Variants in CLCN2 observed in about 807,000 individuals in gnomAD.
CLCN2 encodes chloride voltage-gated channel 2, also known as chloride channel protein 2.
Under a neutral mutation model 108.3 loss-of-function variants are expected in CLCN2, and 72 were observed. The observed-to-expected ratio is 0.66, with a 90% CI of 0.55 to 0.81. The LOEUF (loss-of-function observed/expected upper bound fraction) is 0.81, where lower values mean the gene tolerates loss of function less well. Ranked by LOEUF, CLCN2 falls within the 30% of genes least tolerant of loss-of-function variation. CLCN2 has a pLI of 0.00. For synonymous variants in CLCN2, 471 were observed against 467.1 expected (o/e 1.01, Z -0.11); for missense variants, 1,048 against 1,205.2 (o/e 0.87, Z 1.93).
rs768738193 is a variant in CLCN2, at chr3:184,358,983, C to T, written c.212G>A (p.Arg71Gln). Residue 71 changes from arginine to glutamine, a missense_variant, in exon 2 of 24, where the codon CGA (arginine) becomes CAA (glutamine). By Grantham distance (43) the Arg-to-Gln change is conservative. Transcript: ENST00000265593. Reference protein sequence around the residue: ...LLEYGRSRCARCRVCSVRCHK... With the variant: ...LLEYGRSRCAQCRVCSVRCHK... Reference sequence around the variant, plus strand: ...CCCACCCCAGTTCTCACCGCGGCATCGGGCGCAACGGCTCCGTCCATATTC... The same window carrying T: ...CCCACCCCAGTTCTCACCGCGGCATTGGGCGCAACGGCTCCGTCCATATTC... 2.9e-5 allele frequency: 47 copies of T among 1,613,378 alleles called. No homozygotes were observed. Among genetic ancestry groups the T allele is most frequent in the African/African-American group, 1.3e-4 (10 of 74,930 alleles).
intron 14 of CLCN2, 98 bp from the exon 15 acceptor site, chr3:184,354,412 A>G: frequency 1.5e-6 from 2 of 1,371,532 alleles, no homozygotes; most frequent in Non-Finnish European, 2.1e-6. Context: ...GGGCTGCCCA[A>G]TACAGTCCTG....
chr3:184,357,585 T>C (rs775623554), intron 7 of CLCN2, 35 bp downstream of exon 7: 5 of 1,613,680 alleles, frequency 3.1e-6, no homozygotes, highest in African/African-American at 2.7e-5. Flanking sequence ...AAGGGCAGGG[T>C]TGTGGGGCTG....
At chr3:184,349,732 C>T (rs1727955930) in intron 22 of CLCN2, among the ~76,000 whole-genome samples, 1 of 152,170 alleles carries the variant, frequency 6.6e-6, no homozygotes, top group Non-Finnish European at 1.5e-5. Context: ...GTGTGATCCC[C>T]ATTTTACAGA....
At chr3:184,352,946 G>A in intron 18 of CLCN2, 87 bp downstream of exon 18, 2 of 1,512,444 alleles carry the variant, frequency 1.3e-6, no homozygotes, top group Non-Finnish European at 1.8e-6. Flanking sequence ...CAGCTGGGAT[G>A]TACCCCAGCA....
intron 15 of CLCN2, 151 bp downstream of exon 15, chr3:184,353,949 AG>A (rs1728332076): frequency 1.5e-6 from 2 of 1,358,712 alleles, no homozygotes; most frequent in East Asian, 5.0e-5. Context: ...TCTGAACAGC[AG>A]GGGCCAGCTA....
chr3:184,361,102 G>C lies in CLCN2; in HGVS notation c.63+315C>G, dbSNP rs1232249275. Among the ~76,000 whole-genome samples the C allele has an allele frequency of 6.6e-6, 1 of 152,236 alleles. No homozygotes were observed. The highest frequency in any genetic ancestry group is 1.9e-4 in the East Asian group (1 of 5,198). On this transcript the variant is annotated intron_variant, in intron 1 of 23. Transcript: ENST00000265593. The surrounding 1 kb of genome is among the most constrained non-coding windows in gnomAD (Gnocchi z 6.6). ...TGTGAATGGTGCCGCGGAAGGGGCA[G>C]TGGGGTGCTGAGACTTGGGCCCAGG... is the stretch of plus-strand genomic sequence containing the variant.
At position 184,353,083 on chromosome 3, in the gene CLCN2, G is replaced by A; in HGVS notation, c.2093C>T (p.Ala698Val). The A allele has an allele frequency of 1.9e-6, 3 of 1,614,148 alleles. No homozygotes were observed. Among genetic ancestry groups the A allele is most frequent in the Non-Finnish European group, 8.5e-7 (1 of 1,180,016 alleles). ...GGTGACACTGGGCCCCCTCTTGAGT[G>A]CAGGCTTTAGGGGCTTGTGGGTCTC... is the stretch of plus-strand genomic sequence containing the variant. ...RGETHKPLKPALKRGPSVTRN... is the reference protein window; with the variant it reads ...RGETHKPLKPVLKRGPSVTRN... Residue 698 changes from alanine to valine, a missense_variant, in exon 18 of 24, where the codon GCA (alanine) becomes GTA (valine). Coordinates refer to ENST00000265593, the MANE Select transcript of CLCN2 (RefSeq NM_004366.6).
chr3:184,361,460 T>A lies in CLCN2; in HGVS notation c.20A>T (p.Glu7Val). The A allele has an allele frequency of 6.2e-7, 1 of 1,612,670 alleles. No homozygotes were observed. Among genetic ancestry groups the A allele is most frequent in the Non-Finnish European group, 8.5e-7 (1 of 1,179,924 alleles). The change falls in exon 1 of 24, where the codon GAG (glutamate) becomes GTG (valine). Residue 7 changes from glutamate to valine, a missense_variant. Transcript: ENST00000265593. This position sits in a 1 kb window ranked among gnomAD's most constrained non-coding sequence, Gnocchi z 6.6. MAAAAA[E>V]EGMEPRALQY... ...CAGCGCCCGTGGCTCCATCCCTTCC[T>A]CCGCCGCCGCGGCCGCCATCTCCGC...
chr3:184,359,679 A>G (rs1284472283), intron 1 of CLCN2, among the ~76,000 whole-genome samples: 3 of 151,334 alleles, frequency 2.0e-5, no homozygotes, highest in South Asian at 2.1e-4. Flanking sequence ...CCCATTCTCC[A>G]CTGCCACCCC....
Position 184,354,391 on chromosome 3 carries a change from T to TG in CLCN2, c.1508-78dup. 6 of 1,467,022 alleles carry TG rather than the reference T, an allele frequency of 4.1e-6. No homozygotes were observed. The South Asian group carries it at 6.9e-5, about 17-fold the overall frequency. 90.9% of individuals were successfully genotyped at this position (1,467,022 alleles called of 1,614,324 possible). On this transcript the variant is annotated intron_variant, in intron 14 of 23. Coordinates refer to ENST00000265593, the MANE Select transcript of CLCN2 (RefSeq NM_004366.6). ...CTCCACAACCAGGGCAGGTCCTGAG[T>TG]GGGTCCCTCAGGGCTGCCCAATACA...
At chr3:184,358,894 C>T (rs1349177179) in intron 2 of CLCN2, 81 bp from the exon 3 acceptor site, 3 of 1,613,526 alleles carry the variant, frequency 1.9e-6, no homozygotes, top group South Asian at 2.2e-5. Context: ...ACTGTCCCCT[C>T]TCCCCCATCA....
At chr3:184,360,796 C>T (rs994315386) in intron 1 of CLCN2, among the ~76,000 whole-genome samples, 2 of 152,156 alleles carry the variant, frequency 1.3e-5, no homozygotes, top group African/African-American at 2.4e-5. Flanking sequence ...GGGCTGGATA[C>T]CCCGCATCAG....
chr3:184,346,832 C>T lies in CLCN2; in HGVS notation c.2503-32G>A, dbSNP rs1032310343. ...AGGTGAGAGGGACAGATGTCTGGAC[C>T]CAGATGTCAGACTCCTCCCCGCCTT... On this transcript the variant is annotated intron_variant, in intron 23 of 23. Coordinates refer to ENST00000265593, the MANE Select transcript of CLCN2 (RefSeq NM_004366.6). The surrounding 1 kb of genome is among the most constrained non-coding windows in gnomAD (Gnocchi z 6.0). 3.1e-6 allele frequency: 5 copies of T among 1,613,496 alleles called. No individual in the cohort carries two copies. In the African/African-American group the frequency reaches 6.7e-5, roughly 22 times the overall value.
chr3:184,356,469 T>C (rs1037409063), intron 10 of CLCN2: 4 of 165,400 alleles, frequency 2.4e-5, no homozygotes, highest in Non-Finnish European at 5.3e-5. Context: ...GGCGAAACTG[T>C]CTCTACTAAA....
chr3:184,353,356 C>A lies in CLCN2; in HGVS notation c.1922G>T (p.Ser641Ile). The change falls in exon 17 of 24, where the codon AGC (serine) becomes ATC (isoleucine). Residue 641 changes from serine (S) to isoleucine (I), a missense_variant. Physicochemically the swap from Ser to Ile is moderately radical, Grantham distance 142 (BLOSUM62 -2). Coordinates refer to ENST00000265593, the MANE Select transcript of CLCN2 (RefSeq NM_004366.6). ...CATGTGCTGCCGCCGGCGGGCTGGG[C>A]TCAGCTGGGCCCCCAACAATGCCAC... ...QVVALLGAQL[S>I]PARRRQHMQE... 2 of 1,613,036 alleles carry A rather than the reference C, an allele frequency of 1.2e-6. No individual in the cohort carries two copies. Among genetic ancestry groups the A allele is most frequent in the Non-Finnish European group, 1.7e-6 (2 of 1,179,842 alleles).
Position 184,357,101 on chromosome 3 carries a change from A to G in CLCN2, c.984-7T>C, listed in dbSNP as rs1728609439. 1.2e-6 allele frequency: 2 copies of G among 1,612,772 alleles called. No homozygotes were observed. The highest frequency in any genetic ancestry group is 1.7e-6 in the Non-Finnish European group (2 of 1,179,194). Reference sequence around the variant, plus strand: ...ACCGAAGCCACTAGCAATACTGGAAAGGGAAGAGGCACCTGAGTGAAAAGG... The same window carrying G: ...ACCGAAGCCACTAGCAATACTGGAAGGGGAAGAGGCACCTGAGTGAAAAGG... On this transcript the variant is annotated splice_region_variant and splice_polypyrimidine_tract_variant and intron_variant, in intron 9 of 23. Transcript: ENST00000265593.
At position 184,355,404 on chromosome 3, in the gene CLCN2, G is replaced by A; in HGVS notation, c.1296C>T (p.Phe432=). ...QAWNPPRANV[F]LTLVIFILMK... The stretch of plus-strand genomic sequence containing the variant: ...TGAGAATGAAGATGACCAGGGTGAG[G>A]AAGACGTTGGCACGTGGTGGGTTCC... The change falls in exon 12 of 24, where the codon TTC becomes TTT. Residue 432 remains phenylalanine, a synonymous_variant. Coordinates refer to ENST00000265593, the MANE Select transcript of CLCN2 (RefSeq NM_004366.6). The surrounding 1 kb of genome is among the most constrained non-coding windows in gnomAD (Gnocchi z 6.3). The A allele has an allele frequency of 6.2e-7, 1 of 1,613,976 alleles. No homozygotes were observed. Among genetic ancestry groups the A allele is most frequent in the South Asian group, 1.1e-5 (1 of 91,080 alleles).
At chr3:184,360,463 T>C (rs1284364919) in intron 1 of CLCN2, among the ~76,000 whole-genome samples, 1 of 151,968 alleles carries the variant, frequency 6.6e-6, no homozygotes, top group Non-Finnish European at 1.5e-5. Context: ...GGTTGGCCCC[T>C]CTACCCTTGC....
chr3:184,359,121 C>A lies in CLCN2; in HGVS notation c.74G>T (p.Arg25Leu). ...AAAGGCCCCAAGGTCCTGAGTGTACCGGCCATACATCTGGAGCAACAGAGG... is the reference window on the plus strand; with the variant it reads ...AAAGGCCCCAAGGTCCTGAGTGTACAGGCCATACATCTGGAGCAACAGAGG... ...LQYEQTLMYGRYTQDLGAFAK... is the reference protein window; with the variant it reads ...LQYEQTLMYGLYTQDLGAFAK... The change falls in exon 2 of 24, where the codon CGG becomes CTG. Residue 25 changes from arginine (R) to leucine (L), a missense_variant. Physicochemically the swap from Arg to Leu is moderately radical, Grantham distance 102. Coordinates refer to ENST00000265593, the MANE Select transcript of CLCN2 (RefSeq NM_004366.6). 6.2e-7 allele frequency: 1 copy of A among 1,613,730 alleles called. No homozygotes were observed. Among genetic ancestry groups the A allele is most frequent in the Non-Finnish European group, 8.5e-7 (1 of 1,180,032 alleles).
Sources: gnomAD v4.1 joint callset for allele counts (sites outside exome capture counted in the v4.1 genomes callset) on GRCh38, gnomAD v4.1.1 for gene constraint, Gnocchi (gnomAD v3.1) non-coding constraint, MANE v1.5 for transcripts, NCBI Gene and HGNC (gene_info 2026-07-23, HGNC 2026-07-21) for gene names.